The following CYP7B1 variants were observed in gnomAD, a reference collection of about 807,000 sequenced individuals.
CYP7B1 encodes the protein cytochrome P450 family 7 subfamily B member 1, also known as cytochrome P450 7B1.
In CYP7B1, 29 loss-of-function variants were observed where a neutral mutation model predicts 42.7. The observed-to-expected ratio is 0.68, with a 90% CI of 0.51 to 0.93. The LOEUF is 0.93. CYP7B1 is among the 40% of genes least tolerant of loss of function. The probability of loss-of-function intolerance (pLI) is 0.00; values close to 1 mark genes in which losing one functional copy is unlikely to be tolerated. For synonymous variants in CYP7B1, 235 were observed against 218.2 expected (o/e 1.08, Z -0.68); for missense variants, 655 against 600.5 (o/e 1.09, Z -0.95).
At chr8:64,678,291 G>C (rs36047513) in intron 1 of CYP7B1, among the ~76,000 whole-genome samples, 3 of 152,086 alleles carry the variant, frequency 2.0e-5, no homozygotes, top group African/African-American at 7.2e-5. Flanking sequence ...ACAAGGTTGA[G>C]AGTCTACTGA....
chr8:64,654,618 T>C (rs1238827515), intron 1 of CYP7B1, among the ~76,000 whole-genome samples: 2 of 152,228 alleles, frequency 1.3e-5, no homozygotes, highest in Non-Finnish European at 2.9e-5. Flanking sequence ...ATAGATTCAA[T>C]GTTATTCTTC....
At chr8:64,779,764 T>C (rs1229995482) in intron 1 of CYP7B1, among the ~76,000 whole-genome samples, 1 of 152,156 alleles carries the variant, frequency 6.6e-6, no homozygotes, top group Non-Finnish European at 1.5e-5. Flanking sequence ...CCTACTATTA[T>C]TTGTTTCAAG....
intron 1 of CYP7B1, among the ~76,000 whole-genome samples, chr8:64,760,718 T>C (rs1009768594): frequency 6.6e-6 from 1 of 152,164 alleles, no homozygotes; most frequent in African/African-American, 2.4e-5. Flanking sequence ...GATGAGGGTG[T>C]GAAGAAGAGG....
At chr8:64,704,499 C>T (rs183014715) in intron 1 of CYP7B1, among the ~76,000 whole-genome samples, 1 of 152,118 alleles carries the variant, frequency 6.6e-6, no homozygotes, top group Admixed American at 6.6e-5. Context: ...TGTATCAGAA[C>T]ATAGAAAATT....
At position 64,593,721 on chromosome 8, in the gene CYP7B1, CA is replaced by C. The variant is rs1186952043; in HGVS notation, c.*2920del. On this transcript the variant is annotated 3_prime_UTR_variant, in exon 6 of 6. Coordinates refer to ENST00000310193, the MANE Select transcript of CYP7B1 (RefSeq NM_004820.5). ...AAGCCATTCCTGGTAACAGTGACAG[CA>C]AAACACATAAACTACAGAATTAGAT... is the stretch of plus-strand genomic sequence containing the variant. 1.3e-5 allele frequency among the ~76,000 whole-genome samples: 2 copies of C among 151,936 alleles called. No homozygotes were observed. The highest frequency in any genetic ancestry group is 2.9e-5 in the Non-Finnish European group (2 of 67,992).
chr8:64,667,538 A>G (rs1269995046), intron 1 of CYP7B1, among the ~76,000 whole-genome samples: 8 of 152,178 alleles, frequency 5.3e-5, no homozygotes, highest in Non-Finnish European at 1.2e-4. Flanking sequence ...TAAAACAGAT[A>G]AGGAAGATAA....
At chr8:64,783,366 T>G (rs914665031) in intron 1 of CYP7B1, among the ~76,000 whole-genome samples, 1 of 152,200 alleles carries the variant, frequency 6.6e-6, no homozygotes, top group African/African-American at 2.4e-5. Flanking sequence ...CAACTCATTA[T>G]CTACATAACC....
intron 1 of CYP7B1, among the ~76,000 whole-genome samples, chr8:64,778,313 A>G (rs10283033): frequency 0.97 from 146,654 of 151,598 alleles, 71,047 homozygotes; most frequent in African/African-American, 0.99. Context: ...ATGCATGACT[A>G]CAAAGAAATA....
chr8:64,605,745 T>G (rs1337804545), intron 4 of CYP7B1, among the ~76,000 whole-genome samples: 1 of 152,292 alleles, frequency 6.6e-6, no homozygotes, highest in East Asian at 1.9e-4. Flanking sequence ...AATATAAAGC[T>G]TGATTCTCTC....
intron 1 of CYP7B1, among the ~76,000 whole-genome samples, chr8:64,663,656 G>T (rs544537967): frequency 2.0e-5 from 3 of 152,220 alleles, no homozygotes; most frequent in Admixed American, 2.0e-4. Flanking sequence ...TCAAATCCTG[G>T]GTTCTCTCTT....
At chr8:64,786,032 T>C (rs13271194) in intron 1 of CYP7B1, among the ~76,000 whole-genome samples, 147,251 of 152,214 alleles carry the variant, frequency 0.97, 71,334 homozygotes, top group African/African-American at 0.99. Flanking sequence ...ATGAGAACAT[T>C]ATGAGGGAAA....
Position 64,691,458 on chromosome 8 carries a change from T to C in CYP7B1, c.123-66919A>G, listed in dbSNP as rs1245734018. ...ATGTACATATAAACAGGCACCAACA[T>C]GAACGTATGGTTGCGATGGCAACTG... On this transcript the variant is annotated intron_variant, in intron 1 of 5. Coordinates refer to ENST00000310193, the MANE Select transcript of CYP7B1 (RefSeq NM_004820.5). Among the ~76,000 whole-genome samples the C allele has an allele frequency of 2.7e-5, 3 of 109,816 alleles. No homozygotes were observed. In the Admixed American group the frequency reaches 4.0e-4, roughly 15 times the overall value. 72.0% of individuals were successfully genotyped at this position (109,816 alleles called of 152,430 possible).
intron 1 of CYP7B1, among the ~76,000 whole-genome samples, chr8:64,764,890 T>C (rs946443391): frequency 6.6e-6 from 1 of 151,594 alleles, no homozygotes; most frequent in African/African-American, 2.4e-5. Context: ...GCAGATTTCC[T>C]AACAGGGGAT....
At chr8:64,784,438 T>C (rs1804487672) in intron 1 of CYP7B1, among the ~76,000 whole-genome samples, 1 of 152,182 alleles carries the variant, frequency 6.6e-6, no homozygotes, top group Non-Finnish European at 1.5e-5. Context: ...TAGTGAACTG[T>C]TGACTAGAGC....
intron 1 of CYP7B1, among the ~76,000 whole-genome samples, chr8:64,795,419 T>C (rs1234435087): frequency 6.6e-6 from 1 of 152,240 alleles, no homozygotes; most frequent in East Asian, 1.9e-4. Flanking sequence ...TCTCAACTTG[T>C]TCTTGCTTTA....
chr8:64,686,054 G>A (rs530520369), intron 1 of CYP7B1, among the ~76,000 whole-genome samples: 120 of 132,596 alleles, frequency 9.1e-4, no homozygotes, highest in African/African-American at 3.1e-3. Flanking sequence ...GGGAGATGGG[G>A]GGGGTCAGCC....
At chr8:64,730,228 AT>A (rs112482663) in intron 1 of CYP7B1, among the ~76,000 whole-genome samples, 257 of 145,046 alleles carry the variant, frequency 1.8e-3, no homozygotes, top group Middle Eastern at 3.5e-3. Context: ...TGTCCGGCTA[AT>A]TTTTTTTTTT....
intron 1 of CYP7B1, among the ~76,000 whole-genome samples, chr8:64,776,532 C>G (rs114519489): frequency 6.6e-6 from 1 of 152,076 alleles, no homozygotes; most frequent in Non-Finnish European, 1.5e-5. Flanking sequence ...ATCATATAAA[C>G]ACAGTACTTG....
chr8:64,691,971 T>C (rs984160917), intron 1 of CYP7B1, among the ~76,000 whole-genome samples: 3 of 152,158 alleles, frequency 2.0e-5, no homozygotes, highest in African/African-American at 7.2e-5. Flanking sequence ...GATATCCAAA[T>C]CTTGTCTCAA....
Sources: gnomAD v4.1 joint callset for allele counts (sites outside exome capture counted in the v4.1 genomes callset) on GRCh38, gnomAD v4.1.1 for gene constraint, MANE v1.5 for transcripts, NCBI Gene and HGNC (gene_info 2026-07-23, HGNC 2026-07-21) for gene names.